The following ALDH1L1 variants were observed in gnomAD, a reference collection of about 807,000 sequenced individuals.
The protein encoded by ALDH1L1 is cytosolic 10-formyltetrahydrofolate dehydrogenase.
Under a neutral mutation model 101.1 loss-of-function variants are expected in ALDH1L1, and 68 were observed. That is an observed-to-expected ratio of 0.67 (90% CI 0.55 to 0.82). The LOEUF (loss-of-function observed/expected upper bound fraction) is 0.82, where lower values mean the gene tolerates loss of function less well. ALDH1L1 is among the 40% of genes least tolerant of loss of function. The probability of loss-of-function intolerance (pLI) is 0.00; values close to 1 mark genes in which losing one functional copy is unlikely to be tolerated. For missense variants in ALDH1L1, 1,087 were observed against 1,172.7 expected (o/e 0.93, Z 1.07); for synonymous variants, 486 against 470.8 (o/e 1.03, Z -0.42).
intron 9 of ALDH1L1, among the ~76,000 whole-genome samples, chr3:126,139,905 G>A (rs2080531006): frequency 6.6e-6 from 1 of 151,766 alleles, no homozygotes; most frequent in Non-Finnish European, 1.5e-5. Context: ...AGAGCCTGAA[G>A]GATTTATAGG....
chr3:126,194,363 G>A (rs76643467), intron 1 of ALDH1L1, among the ~76,000 whole-genome samples: 6,950 of 152,122 alleles, frequency 0.046, 519 homozygotes, highest in African/African-American at 0.15. Context: ...ATGCTTCAGC[G>A]GCTCTCTGTA....
At chr3:126,134,865 C>G (rs1470157029) in intron 12 of ALDH1L1, among the ~76,000 whole-genome samples, 1 of 152,146 alleles carries the variant, frequency 6.6e-6, no homozygotes, top group Non-Finnish European at 1.5e-5. Flanking sequence ...CCTCTCTTCT[C>G]CCAGGAACAT....
chr3:126,155,427 CCCTCATA>C lies in ALDH1L1; in HGVS notation c.598_604del (p.Tyr200GlyfsTer41). ...CTTGGCTGTCTCCTTCTTCTGAATC[CCCTCATA>C]GGTGGCTCCTTCCTCAGGCTGAGGG... On this transcript the variant is annotated frameshift_variant, in exon 5 of 23. Coordinates refer to ENST00000393434, the MANE Select transcript of ALDH1L1 (RefSeq NM_012190.4). LOFTEE classifies it high-confidence loss of function. The C allele has an allele frequency of 4.3e-6, 7 of 1,612,840 alleles. No homozygotes were observed. Among genetic ancestry groups the C allele is most frequent in the Non-Finnish European group, 5.9e-6 (7 of 1,179,554 alleles).
At chr3:126,197,158 T>C (rs1377560112) in intron 1 of ALDH1L1, among the ~76,000 whole-genome samples, 3 of 152,200 alleles carry the variant, frequency 2.0e-5, no homozygotes, top group African/African-American at 7.2e-5. Context: ...AAAAAATTAA[T>C]GCACTCTAGT....
intron 5 of ALDH1L1, among the ~76,000 whole-genome samples, chr3:126,154,867 T>C (rs2080874410): frequency 6.6e-6 from 1 of 152,124 alleles, no homozygotes; most frequent in Non-Finnish European, 1.5e-5. Flanking sequence ...GGGAAGATAA[T>C]GTTCTGTTGC....
chr3:126,112,758 C>T (rs751024687), intron 19 of ALDH1L1, 24 bp downstream of exon 19: 16 of 1,609,588 alleles, frequency 9.9e-6, no homozygotes, highest in African/African-American at 1.3e-5. Flanking sequence ...ACCAGCCGCC[C>T]GCAGACCCTG....
chr3:126,178,386 A>C (rs1169397043), intron 1 of ALDH1L1, among the ~76,000 whole-genome samples: 2 of 136,314 alleles, frequency 1.5e-5, no homozygotes, highest in East Asian at 4.1e-4. Flanking sequence ...GTCTCAAAAA[A>C]AAAAAAAAAG....
rs1304086051 is a variant in ALDH1L1 at position 126,160,870 on chromosome 3, C to T, written c.110G>A (p.Gly37Glu). 2 of 1,614,010 alleles carry T rather than the reference C, an allele frequency of 1.2e-6. No homozygotes were observed. The highest frequency in any genetic ancestry group is 1.7e-6 in the Non-Finnish European group (2 of 1,179,970). Residue 37 changes from glycine (G) to glutamate (E), a missense_variant, in exon 2 of 23, where the codon GGA becomes GAA. By Grantham distance (98) the Gly-to-Glu change is moderately conservative. Transcript: ENST00000393434. Reference sequence around the variant, plus strand: ...TCACTCACCCAGGGGGTCGGCCTTTCCATCCTTGTCTGGAACAGTGAACAC... The same window carrying T: ...TCACTCACCCAGGGGGTCGGCCTTTTCATCCTTGTCTGGAACAGTGAACAC... The part of the protein sequence containing the change: ...VGVFTVPDKD[G>E]KADPLGLEAE...
intron 15 of ALDH1L1, 57 bp from the exon 16 acceptor site, chr3:126,124,508 T>A: frequency 7.1e-7 from 1 of 1,408,166 alleles, no homozygotes; most frequent in Non-Finnish European, 1.0e-6. Context: ...AGTGGGGCTC[T>A]GCCTTCCCTC....
rs546853306 is a variant in ALDH1L1 at position 126,167,258 on chromosome 3, A to G, written c.-23-6256T>C. On this transcript the variant is annotated intron_variant, in intron 1 of 22. Transcript: ENST00000393434. ...AAAAATGACAAAACAATAAGGAAAA[A>G]AGGAACCAGGGCTTAGTGCCGCATA... Among the ~76,000 whole-genome samples, 3 of 152,322 alleles carry G rather than the reference A, an allele frequency of 2.0e-5. No homozygotes were observed. In the South Asian group the frequency reaches 6.2e-4, roughly 32 times the overall value.
At chr3:126,189,840 T>C (rs1405606294) in intron 1 of ALDH1L1, among the ~76,000 whole-genome samples, 1 of 152,174 alleles carries the variant, frequency 6.6e-6, no homozygotes, top group Non-Finnish European at 1.5e-5. Flanking sequence ...TGGGAGTGAA[T>C]CTGATTCCCC....
At chr3:126,106,534 G>A (rs891664167) in intron 21 of ALDH1L1, among the ~76,000 whole-genome samples, 5 of 152,156 alleles carry the variant, frequency 3.3e-5, no homozygotes, top group African/African-American at 1.2e-4. Flanking sequence ...TGGGTGACTT[G>A]CTTCATCAAC....
chr3:126,152,326 C>G (rs4646715), intron 7 of ALDH1L1: 58,922 of 152,082 alleles, frequency 0.39, 11,596 homozygotes, highest in Middle Eastern at 0.47. Context: ...CTTACTGCCT[C>G]GCATGATTTT....
chr3:126,117,853 G>T, intron 17 of ALDH1L1, 152 bp downstream of exon 17: 1 of 748,816 alleles, frequency 1.3e-6, no homozygotes, highest in African/African-American at 1.7e-5. Context: ...AAAGGCAGAT[G>T]CCTCTTCAGC....
chr3:126,171,220 C>T (rs968748184), intron 1 of ALDH1L1, among the ~76,000 whole-genome samples: 1 of 152,172 alleles, frequency 6.6e-6, no homozygotes, highest in Non-Finnish European at 1.5e-5. Flanking sequence ...ATCGCTTGAA[C>T]CTGGGAAGCA....
At chr3:126,107,735 T>TC (rs902957428) in intron 20 of ALDH1L1, 7 of 162,752 alleles carry the variant, frequency 4.3e-5, no homozygotes, top group Non-Finnish European at 6.7e-5. Context: ...CCCTCTGCCC[T>TC]CCCAGGGTCC....
intron 11 of ALDH1L1, 55 bp from the exon 12 acceptor site, chr3:126,135,717 AC>A: frequency 2.8e-6 from 4 of 1,442,660 alleles, no homozygotes; most frequent in Non-Finnish European, 3.6e-6. Flanking sequence ...GCACACAGAT[AC>A]CCCTGCCTGC....
intron 12 of ALDH1L1, 95 bp downstream of exon 12, chr3:126,135,440 C>T (rs2080412853): frequency 6.5e-7 from 1 of 1,538,002 alleles, no homozygotes. Context: ...CCAGCTCCTC[C>T]TGGCAGGTAA....
intron 1 of ALDH1L1, among the ~76,000 whole-genome samples, chr3:126,164,874 T>TC (rs1302875597): frequency 6.6e-6 from 1 of 152,218 alleles, no homozygotes; most frequent in Admixed American, 6.5e-5. Context: ...CTCTATAGCC[T>TC]CACCAGCACT....
Sources: gnomAD v4.1 joint callset for allele counts (sites outside exome capture counted in the v4.1 genomes callset) on GRCh38, gnomAD v4.1.1 for gene constraint, MANE v1.5 for transcripts, NCBI Gene and HGNC (gene_info 2026-07-23, HGNC 2026-07-21) for gene names.